Variants in CCDC88B observed in about 807,000 individuals in gnomAD.
CCDC88B encodes the protein coiled-coil and HOOK domain protein 88B.
Under a neutral mutation model 183.7 loss-of-function variants are expected in CCDC88B, and 138 were observed. The observed-to-expected ratio is 0.75, with a 90% CI of 0.65 to 0.87. CCDC88B has a LOEUF of 0.87. Among genes scored for constraint, CCDC88B ranks in the 40% least tolerant of loss-of-function variants. The pLI is 0.00. For missense variants in CCDC88B, 1,822 were observed against 1,965.6 expected (o/e 0.93, Z 1.38); for synonymous variants, 835 against 867.5 (o/e 0.96, Z 0.66).
chr11:64,345,249 GCC>G, intron 14 of CCDC88B, 92 bp downstream of exon 14: 1 of 1,377,662 alleles, frequency 7.3e-7, no homozygotes, highest in Non-Finnish European at 9.8e-7. Flanking sequence ...TTCAGTGGGT[GCC>G]CAGCACTGAG....
At chr11:64,351,897 G>A (rs1432967915) in intron 18 of CCDC88B, among the ~76,000 whole-genome samples, 3 of 151,872 alleles carry the variant, frequency 2.0e-5, no homozygotes, top group African/African-American at 4.8e-5. Flanking sequence ...GTCCCATTCT[G>A]CCCTGTGCCC....
chr11:64,342,281 C>A lies in CCDC88B; in HGVS notation c.822-13C>A. ...GGGCCCCCAGACCCTCCCTAGACTCCCCTTCCCTCCAGGGAGGAGAAGGCC... is the reference window on the plus strand; with the variant it reads ...GGGCCCCCAGACCCTCCCTAGACTCACCTTCCCTCCAGGGAGGAGAAGGCC... On this transcript the variant is annotated splice_polypyrimidine_tract_variant and intron_variant, in intron 8 of 26. Transcript: ENST00000356786. 6.3e-7 allele frequency: 1 copy of A among 1,578,754 alleles called. No individual in the cohort carries two copies. Among genetic ancestry groups the A allele is most frequent in the South Asian group, 1.2e-5 (1 of 86,390 alleles).
Position 64,353,734 on chromosome 11 carries a change from C to G in CCDC88B, c.3853C>G (p.Arg1285Gly). 2 of 1,614,068 alleles carry G rather than the reference C, an allele frequency of 1.2e-6. No individual in the cohort carries two copies. Among genetic ancestry groups the G allele is most frequent in the East Asian group, 4.5e-5 (2 of 44,888 alleles). The change falls in exon 23 of 27, where the codon CGC becomes GGC. Residue 1285 changes from arginine to glycine, a missense_variant. Physicochemically the swap from Arg to Gly is moderately radical, Grantham distance 125 (BLOSUM62 -2). Coordinates refer to ENST00000356786, the MANE Select transcript of CCDC88B (RefSeq NM_032251.6). The part of the protein sequence containing the change: ...REYLDQLNAL[R>G]REKQKLVEKI... ...TGCCAGGGACCAGCTTAATGCCCTG[C>G]GCCGCGAGAAGCAGAAGCTCGTGGA... is the stretch of plus-strand genomic sequence containing the variant.
At position 64,355,218 on chromosome 11, in the gene CCDC88B, G is replaced by A. The variant is rs779361649; in HGVS notation, c.4124G>A (p.Arg1375His). ...GGGTCCCCTTCCCCGGCACCCATGC[G>A]CCGGGCCCAGAGCTCCCTCTGCCTG... ...GTGSPSPAPM[R>H]RAQSSLCLRD... Residue 1375 changes from arginine (R) to histidine (H), a missense_variant, in exon 25 of 27, where the codon CGC (arginine) becomes CAC (histidine). By Grantham distance (29) the Arg-to-His change is conservative. Coordinates refer to ENST00000356786, the MANE Select transcript of CCDC88B (RefSeq NM_032251.6). 4.9e-5 allele frequency: 74 copies of A among 1,499,274 alleles called. No homozygotes were observed. Among genetic ancestry groups the A allele is most frequent in the Middle Eastern group, 1.8e-4 (1 of 5,544 alleles). 92.9% of individuals were successfully genotyped at this position (1,499,274 alleles called of 1,614,324 possible).
chr11:64,340,553 G>T (rs2035791280), intron 1 of CCDC88B, 54 bp from the exon 2 acceptor site: 1 of 1,572,442 alleles, frequency 6.4e-7, no homozygotes. Context: ...GGGCAGGTCG[G>T]AGGGGCTCAG....
chr11:64,340,338 G>T lies in CCDC88B; in HGVS notation c.60+12G>T. ...GTCTGGCTACCTGGGTGAGGGGGCA[G>T]GTGGCAGCGGGTTGGGGAGGGGAAG... is the stretch of plus-strand genomic sequence containing the variant. On this transcript the variant is annotated intron_variant, in intron 1 of 26. Transcript: ENST00000356786. 2 of 1,299,346 alleles carry T rather than the reference G, an allele frequency of 1.5e-6. No homozygotes were observed. 80.5% of individuals were successfully genotyped at this position (1,299,346 alleles called of 1,614,324 possible). A position where few individuals can be genotyped will look rare whatever the true frequency, so the allele number is the denominator to read the frequency against.
At chr11:64,353,303 G>A in intron 21 of CCDC88B, 48 bp from the exon 22 acceptor site, 2 of 1,599,038 alleles carry the variant, frequency 1.3e-6, no homozygotes, top group Non-Finnish European at 1.7e-6. Flanking sequence ...AGACCCAGGT[G>A]GTCCTGAGCT....
chr11:64,342,105 G>T lies in CCDC88B; in HGVS notation c.787G>T (p.Ala263Ser). Residue 263 changes from alanine to serine, a missense_variant, in exon 8 of 27, where the codon GCC becomes TCC. Coordinates refer to ENST00000356786, the MANE Select transcript of CCDC88B (RefSeq NM_032251.6). ...SHHLALQLAN[A>S]KAQLRRLRQE... The stretch of plus-strand genomic sequence containing the variant: ...CCATCTGGCCCTGCAGCTGGCCAAC[G>T]CCAAGGCTCAGCTGCGGCGTCTGCG... The T allele has an allele frequency of 6.2e-7, 1 of 1,610,530 alleles. No homozygotes were observed. Among genetic ancestry groups the T allele is most frequent in the Middle Eastern group, 1.7e-4 (1 of 5,988 alleles).
In CCDC88B at chr11:64,344,921, C is replaced by A. The variant is rs199870720; in HGVS notation, c.2380C>A (p.Arg794=). Residue 794 remains arginine, a synonymous_variant, in exon 14 of 27, where the codon CGG becomes AGG. Coordinates refer to ENST00000356786, the MANE Select transcript of CCDC88B (RefSeq NM_032251.6). This position sits in a 1 kb window ranked among gnomAD's most constrained non-coding sequence, Gnocchi z 4.5. ...EAQAWEQARL[R]EAVEAAGQEL... ...CCAGGCCTGGGAGCAAGCCCGGCTG[C>A]GGGAGGCAGTGGAGGCTGCTGGCCA... 7 of 1,570,432 alleles carry A rather than the reference C, an allele frequency of 4.5e-6. No homozygotes were observed. The highest frequency in any genetic ancestry group is 1.4e-5 in the African/African-American group (1 of 73,730).
rs1212530757 is a variant in CCDC88B, at chr11:64,354,126, C to T, written c.4055C>T (p.Pro1352Leu). 1 of 1,374,644 alleles carries T rather than the reference C, an allele frequency of 7.3e-7. No homozygotes were observed. The highest frequency in any genetic ancestry group is 2.0e-5 in the South Asian group (1 of 49,396). The allele number at this position is 1,374,644 out of a possible 1,614,324, so 85.2% of individuals were successfully genotyped here. A position where few individuals can be genotyped will look rare whatever the true frequency, so the allele number is the denominator to read the frequency against. Residue 1352 changes from proline to leucine, a missense_variant, in exon 24 of 27, where the codon CCC (proline) becomes CTC (leucine). By Grantham distance (98) the Pro-to-Leu change is moderately conservative. Coordinates refer to ENST00000356786, the MANE Select transcript of CCDC88B (RefSeq NM_032251.6). ...GAGSTESLGG[P>L]PETELPEGRE... Reference sequence around the variant, plus strand: ...GGCAGCACCGAGAGCCTGGGGGGCCCCCCGGAGACGGAGCTTCCTGAGGGC... The same window carrying T: ...GGCAGCACCGAGAGCCTGGGGGGCCTCCCGGAGACGGAGCTTCCTGAGGGC...
rs946150429 is a variant in CCDC88B, at chr11:64,344,888, G to T, written c.2347G>T (p.Ala783Ser). 5 of 1,596,132 alleles carry T rather than the reference G, an allele frequency of 3.1e-6. No homozygotes were observed. The highest frequency in any genetic ancestry group is 3.4e-6 in the Non-Finnish European group (4 of 1,171,342). ...GGCAGAGGCCGAGGCCCACCGGGAG[G>T]CAGAGGCCCAGGCCTGGGAGCAAGC... ...RRAEAEAHRE[A>S]EAQAWEQARL... Residue 783 changes from alanine (A) to serine (S), a missense_variant, in exon 14 of 27, where the codon GCA (alanine) becomes TCA (serine). By Grantham distance (99) the Ala-to-Ser change is moderately conservative. Transcript: ENST00000356786. The surrounding 1 kb of genome is among the most constrained non-coding windows in gnomAD (Gnocchi z 4.5).
intron 22 of CCDC88B, 62 bp from the exon 23 acceptor site, chr11:64,353,653 C>A: frequency 6.3e-7 from 1 of 1,597,624 alleles, no homozygotes; most frequent in Non-Finnish European, 8.6e-7. Context: ...GCAGCTTGTG[C>A]CTTGCTACTG....
chr11:64,354,316 G>T (rs1051953010), intron 24 of CCDC88B, 146 bp downstream of exon 24: 2 of 630,176 alleles, frequency 3.2e-6, no homozygotes, highest in South Asian at 7.0e-5. Context: ...TGCCACCAGG[G>T]GCTCTTTTCC....
intron 10 of CCDC88B, 155 bp downstream of exon 10, chr11:64,342,835 C>A: frequency 2.5e-6 from 2 of 808,990 alleles, no homozygotes; most frequent in Non-Finnish European, 3.6e-6. Flanking sequence ...GAGGTGGCGT[C>A]TGGGAAAGGG....
chr11:64,340,836 C>T, intron 2 of CCDC88B, 71 bp from the exon 3 acceptor site: 1 of 1,540,396 alleles, frequency 6.5e-7, no homozygotes. Context: ...GCTCAGTGGG[C>T]GGGGCCTGAG....
In CCDC88B at chr11:64,352,877, G is replaced by A. The variant is rs763425021; in HGVS notation, c.3490G>A (p.Glu1164Lys). 4.4e-6 allele frequency: 7 copies of A among 1,593,554 alleles called. No homozygotes were observed. The African/African-American group carries it at 6.7e-5, about 15-fold the overall frequency. Residue 1164 changes from glutamate to lysine, a missense_variant, in exon 20 of 27, where the codon GAG becomes AAG. Glu to Lys is a moderately conservative substitution (Grantham distance 56). Transcript: ENST00000356786. ...GGAGGAGCTGCGGAGGCTTCAGAGC[G>A]AGCACGACAGGTGCCGCCCCTGCCA... The part of the protein sequence containing the change: ...LEEELRRLQS[E>K]HDRAQMLLAE...
chr11:64,352,409 C>G, intron 19 of CCDC88B, 23 bp downstream of exon 19: 2 of 1,510,878 alleles, frequency 1.3e-6, no homozygotes, highest in Non-Finnish European at 1.8e-6. Context: ...AAATGCCCAG[C>G]TCCTCCCCTG....
Position 64,355,268 on chromosome 11 carries a change from C to T in CCDC88B, c.4174C>T (p.Gln1392Ter). The T allele has an allele frequency of 1.3e-6, 2 of 1,578,500 alleles. No individual in the cohort carries two copies. Among genetic ancestry groups the T allele is most frequent in the Non-Finnish European group, 1.7e-6 (2 of 1,163,716 alleles). The part of the protein sequence containing the change: ...CLRDETLAGG[Q>*]RRKLSSRFPV... ...GCGGGATGAGACCTTGGCAGGCGGG[C>T]AGCGGCGGAAACTCAGCTCAAGGTT... The change falls in exon 25 of 27, where the codon CAG (glutamine) becomes TAG (stop). Residue 1392 changes from glutamine to a stop codon, truncating the protein, a stop_gained. Coordinates refer to ENST00000356786, the MANE Select transcript of CCDC88B (RefSeq NM_032251.6). LOFTEE classifies it high-confidence loss of function.
chr11:64,341,192 C>T lies in CCDC88B; in HGVS notation c.388+14C>T. On this transcript the variant is annotated intron_variant, in intron 4 of 26. Transcript: ENST00000356786. Reference sequence around the variant, plus strand: ...ACCCTCTCTCAGGTGCTCTCCCCACCCACACCCTCCTGCCTCTGCCCCCGC... The same window carrying T: ...ACCCTCTCTCAGGTGCTCTCCCCACTCACACCCTCCTGCCTCTGCCCCCGC... 6.2e-7 allele frequency: 1 copy of T among 1,614,098 alleles called. No homozygotes were observed. Among genetic ancestry groups the T allele is most frequent in the Non-Finnish European group, 8.5e-7 (1 of 1,179,998 alleles).
Sources: allele counts gnomAD v4.1 joint callset (sites outside exome capture counted in the v4.1 genomes callset), GRCh38; gene constraint gnomAD v4.1.1; non-coding constraint Gnocchi (gnomAD v3.1); transcripts MANE v1.5; gene names NCBI Gene and HGNC (gene_info 2026-07-23, HGNC 2026-07-21).